Variants in ZFHX3 observed in about 807,000 individuals in gnomAD.
The protein encoded by ZFHX3 is zinc finger homeobox protein 3.
A neutral mutation model predicts 279.1 loss-of-function variants in ZFHX3; 42 were observed. The ratio of observed to expected loss-of-function variants is 0.15; its 90% CI spans 0.12 to 0.19. The LOEUF (loss-of-function observed/expected upper bound fraction) is 0.19. ZFHX3 is among the 10% of genes least tolerant of loss of function. The pLI is 1.00. For synonymous variants in ZFHX3, 2,293 were observed against 1,957.8 expected (o/e 1.17, Z -4.52); for missense variants, 4,981 against 4,754.0 (o/e 1.05, Z -1.40).
chr16:72,825,508 C>A (rs921746665), intron 5 of ZFHX3, among the ~76,000 whole-genome samples: 4 of 152,186 alleles, frequency 2.6e-5, no homozygotes, highest in African/African-American at 9.7e-5. Context: ...TGGCGATGTG[C>A]TAGAGATTCT....
Position 72,887,359 on chromosome 16 carries a change from A to G in ZFHX3, c.3448+2372T>C, listed in dbSNP as rs550262008. Among the ~76,000 whole-genome samples, 212 of 152,312 alleles carry G rather than the reference A, an allele frequency of 1.4e-3. 1 individual carries two copies. Among genetic ancestry groups the G allele is most frequent in the Non-Finnish European group, 6.8e-4 (46 of 68,028 alleles). ...GGTACCTAGAAAACCAGAGAAAACA[A>G]TAAGTTGTACAAGAAGGTAAATGAA... On this transcript the variant is annotated intron_variant, in intron 4 of 9. Transcript: ENST00000268489.
rs544918463 is a variant in ZFHX3 at position 73,471,273 on chromosome 16, G to A, written c.-1546-15015C>T. Among the ~76,000 whole-genome samples, 28 of 152,294 alleles carry A rather than the reference G, an allele frequency of 1.8e-4. No individual in the cohort carries two copies. The Middle Eastern group carries it at 0.01, about 56-fold the overall frequency. ...AAGTGGAGCACAGATGTACCTTTCC[G>A]AGGTGATCGACCATAGTGATTGACC... On this transcript the variant is annotated intron_variant, in intron 2 of 17. Transcript: ENST00000641206.
Position 72,840,038 on chromosome 16 carries a change from T to A in ZFHX3, c.3449-10179A>T, listed in dbSNP as rs568396112. On this transcript the variant is annotated intron_variant, in intron 4 of 9. Transcript: ENST00000268489. Reference sequence around the variant, plus strand: ...AGTGATAGAGAGTAAATTAAAAAATTTAACAGTTTCCATTAAAGAAGACTG... The same window carrying A: ...AGTGATAGAGAGTAAATTAAAAAATATAACAGTTTCCATTAAAGAAGACTG... Among the ~76,000 whole-genome samples, 349 of 152,174 alleles carry A rather than the reference T, an allele frequency of 2.3e-3. 2 individuals are homozygous for A. Among genetic ancestry groups the A allele is most frequent in the African/African-American group, 8.0e-3 (334 of 41,492 alleles).
At chr16:73,240,479 AAAG>A (rs2013088786) in intron 5 of ZFHX3, among the ~76,000 whole-genome samples, 2 of 152,134 alleles carry the variant, frequency 1.3e-5, no homozygotes, top group Admixed American at 6.5e-5. Context: ...TCGGCCTCTC[AAAG>A]TCCTGGGATT....
chr16:73,178,367 G>A (rs1967713565), intron 5 of ZFHX3, among the ~76,000 whole-genome samples: 1 of 152,080 alleles, frequency 6.6e-6, no homozygotes, highest in African/African-American at 2.4e-5. Flanking sequence ...TCAAACTTCT[G>A]ACCTCAAGTG....
intron 2 of ZFHX3, among the ~76,000 whole-genome samples, chr16:73,563,347 C>G (rs1365481014): frequency 6.6e-6 from 1 of 151,540 alleles, no homozygotes; most frequent in Non-Finnish European, 1.5e-5. Flanking sequence ...ACACCATTCT[C>G]CTGCCTCCAC....
chr16:73,529,310 C>T (rs904123012), intron 2 of ZFHX3, among the ~76,000 whole-genome samples: 1 of 152,116 alleles, frequency 6.6e-6, no homozygotes, highest in South Asian at 2.1e-4. Flanking sequence ...TAAAATGCCT[C>T]TATAAGAAAG....
In ZFHX3 at chr16:73,028,188, GAA is replaced by G. The variant is rs113311796; in HGVS notation, c.-50+19562_-50+19563del. 6.9e-3 allele frequency among the ~76,000 whole-genome samples: 1,046 copies of G among 152,186 alleles called. 14 individuals are homozygous for G. The highest frequency in any genetic ancestry group is 0.024 in the African/African-American group (1,003 of 41,518). ...CCAAGATTCCCCTTTTTTCCACCAT[GAA>G]GACAACTGTCAGCCATGTTCATGTG... On this transcript the variant is annotated intron_variant, in intron 1 of 9. Transcript: ENST00000268489.
At chr16:73,024,529 T>G (rs1042876190) in intron 1 of ZFHX3, among the ~76,000 whole-genome samples, 4 of 152,120 alleles carry the variant, frequency 2.6e-5, no homozygotes, top group Non-Finnish European at 4.4e-5. Flanking sequence ...CCCACGTGAG[T>G]TGCACTGAAA....
chr16:73,248,273 G>T (rs983109340), intron 5 of ZFHX3, among the ~76,000 whole-genome samples: 2 of 151,720 alleles, frequency 1.3e-5, no homozygotes, highest in African/African-American at 4.9e-5. Flanking sequence ...TGGAATGTTT[G>T]CATATGTGTG....
chr16:73,018,740 G>T (rs905127674), intron 1 of ZFHX3, among the ~76,000 whole-genome samples: 1 of 152,186 alleles, frequency 6.6e-6, no homozygotes, highest in Non-Finnish European at 1.5e-5. Flanking sequence ...CTCCCTGAAG[G>T]ACTGAAGCTA....
intron 2 of ZFHX3, among the ~76,000 whole-genome samples, chr16:73,645,506 T>C (rs1399328217): frequency 1.3e-5 from 2 of 152,216 alleles, no homozygotes; most frequent in Non-Finnish European, 2.9e-5. Context: ...TCTGCCCGCC[T>C]TGGCCTCCCA....
chr16:73,236,378 G>A (rs1187990187), intron 5 of ZFHX3, among the ~76,000 whole-genome samples: 3 of 152,152 alleles, frequency 2.0e-5, no homozygotes, highest in Non-Finnish European at 4.4e-5. Context: ...CAGGTGGATC[G>A]CTTGAGATCA....
intron 3 of ZFHX3, among the ~76,000 whole-genome samples, chr16:73,383,917 C>T (rs2016856686): frequency 6.6e-6 from 1 of 152,252 alleles, no homozygotes; most frequent in Non-Finnish European, 1.5e-5. Flanking sequence ...CAAAGAGTAT[C>T]TGCCATGTGG....
intron 5 of ZFHX3, among the ~76,000 whole-genome samples, chr16:72,820,242 G>A (rs145656794): frequency 2.4e-3 from 368 of 152,314 alleles, no homozygotes; most frequent in African/African-American, 8.4e-3. Context: ...GGGTGCTGCT[G>A]CTTGCTCTGC....
At chr16:73,036,356 A>G (rs1964903992) in intron 1 of ZFHX3, among the ~76,000 whole-genome samples, 1 of 152,158 alleles carries the variant, frequency 6.6e-6, no homozygotes. Flanking sequence ...GAGGCACACA[A>G]TTACAGCCAT....
intron 3 of ZFHX3, among the ~76,000 whole-genome samples, chr16:73,378,259 C>A (rs542857282): frequency 6.6e-6 from 1 of 152,126 alleles, no homozygotes; most frequent in East Asian, 1.9e-4. Flanking sequence ...ACTTTAAAAT[C>A]TTTTTGCATT....
chr16:73,041,462 C>T (rs1965112620), intron 1 of ZFHX3, among the ~76,000 whole-genome samples: 1 of 139,818 alleles, frequency 7.2e-6, no homozygotes, highest in South Asian at 2.2e-4. Flanking sequence ...ACTTGAACAA[C>T]ATTTTTTAAG....
intron 2 of ZFHX3, among the ~76,000 whole-genome samples, chr16:73,494,863 C>G (rs1387670436): frequency 6.6e-5 from 10 of 152,074 alleles, no homozygotes; most frequent in Admixed American, 6.5e-4. Context: ...CCTCTGCGCC[C>G]GGCAAAACTA....
Sources: gnomAD v4.1 joint callset for allele counts (sites outside exome capture counted in the v4.1 genomes callset) on GRCh38, gnomAD v4.1.1 for gene constraint, MANE v1.5 for transcripts, NCBI Gene and HGNC (gene_info 2026-07-23, HGNC 2026-07-21) for gene names.